Variants in NECAB2 observed in about 807,000 individuals in gnomAD.
NECAB2 encodes the protein N-terminal EF-hand calcium binding protein 2, also known as N-terminal EF-hand calcium-binding protein 2.
In NECAB2, 68 loss-of-function variants were observed where a neutral mutation model predicts 51.9. The ratio of observed to expected loss-of-function variants is 1.31; its 90% CI spans 1.08 to 1.60. NECAB2 has a LOEUF of 1.60. NECAB2 is among the 40% of genes most tolerant of loss of function. The pLI is 0.00. For missense variants in NECAB2, 854 were observed against 490.3 expected (o/e 1.74, Z -7.00); for synonymous variants, 329 against 203.5 (o/e 1.62, Z -5.25).
At position 83,968,846 on chromosome 16, in the gene NECAB2, G is replaced by A; in HGVS notation, c.198G>A (p.Leu66=). Residue 66 remains leucine (L), a synonymous_variant, in exon 1 of 13, where the codon CTG becomes CTA. Transcript: ENST00000305202. ...ASPRGGTAVI[L]DIFRRADKND... is the part of the protein sequence containing the mutation. ...CGCGCGGGGGCACCGCCGTCATCCT[G>A]GACGTGAGTACGCGCCGGCCGGGAC... The A allele has an allele frequency of 3.6e-6, 4 of 1,121,738 alleles. No individual in the cohort carries two copies. Among genetic ancestry groups the A allele is most frequent in the African/African-American group, 1.7e-5 (1 of 60,210 alleles). 69.5% of individuals were successfully genotyped at this position (1,121,738 alleles called of 1,614,324 possible). A position where few individuals can be genotyped will look rare whatever the true frequency, so the allele number is the denominator to read the frequency against.
chr16:83,969,059 AC>A (rs899734982), intron 1 of NECAB2, among the ~76,000 whole-genome samples: 1 of 130,930 alleles, frequency 7.6e-6, no homozygotes, highest in Non-Finnish European at 1.6e-5. Context: ...GGACCGGGAG[AC>A]CCCCCTCCTC....
chr16:83,976,166 T>C (rs896071965), intron 2 of NECAB2, among the ~76,000 whole-genome samples: 1 of 152,084 alleles, frequency 6.6e-6, no homozygotes, highest in South Asian at 2.1e-4. Context: ...GTCATGCCCA[T>C]GGTGACTGCC....
chr16:83,998,529 C>G (rs1429332774), intron 10 of NECAB2, among the ~76,000 whole-genome samples: 1 of 152,160 alleles, frequency 6.6e-6, no homozygotes, highest in Non-Finnish European at 1.5e-5. Flanking sequence ...CTGGCATCAG[C>G]TTACTCATCT....
chr16:83,973,401 A>C (rs974524403), intron 2 of NECAB2, among the ~76,000 whole-genome samples: 1 of 152,154 alleles, frequency 6.6e-6, no homozygotes, highest in Non-Finnish European at 1.5e-5. Context: ...AATCAGTTCC[A>C]ACGAGTCTCC....
intron 12 of NECAB2, 86 bp from the exon 13 acceptor site, chr16:84,002,232 C>A (rs373591626): frequency 4.0e-6 from 6 of 1,513,956 alleles, no homozygotes; most frequent in African/African-American, 1.4e-5. Flanking sequence ...AGCCATCCCC[C>A]GACCTGTCAT....
At position 83,993,610 on chromosome 16, in the gene NECAB2, G is replaced by A. The variant is rs993250496; in HGVS notation, c.597-692G>A. 6 of 154,634 alleles carry A rather than the reference G, an allele frequency of 3.9e-5. No individual in the cohort carries two copies. In the South Asian group the frequency reaches 8.2e-4, roughly 21 times the overall value. 9.6% of individuals were successfully genotyped at this position (154,634 alleles called of 1,614,324 possible). On this transcript the variant is annotated intron_variant, in intron 6 of 12. Transcript: ENST00000305202. ...GTCCCTACTATGTGCTGGACACAGT[G>A]CAAGGTGAGCTGTGTGTGTGTGTGT...
intron 3 of NECAB2, among the ~76,000 whole-genome samples, chr16:83,979,096 C>T (rs564866977): frequency 6.6e-6 from 1 of 152,338 alleles, no homozygotes; most frequent in African/African-American, 2.4e-5. Flanking sequence ...CCACCCATCT[C>T]TAAATCAAGT....
chr16:83,981,084 C>A lies in NECAB2; in HGVS notation c.416C>A (p.Thr139Asn). The change falls in exon 5 of 13, where the codon ACC (threonine) becomes AAC (asparagine). Residue 139 changes from threonine (T) to asparagine (N), a missense_variant. By Grantham distance (65) the Thr-to-Asn change is moderately conservative (BLOSUM62 0). Transcript: ENST00000305202. Reference sequence around the variant, plus strand: ...GAGGATGTCCTGGCCTCCCTGGAGACCTTGAATCACTCTGTCCTGAAGGCC... The same window carrying A: ...GAGGATGTCCTGGCCTCCCTGGAGAACTTGAATCACTCTGTCCTGAAGGCC... ...DYEDVLASLE[T>N]LNHSVLKAMG... 6.2e-7 allele frequency: 1 copy of A among 1,614,208 alleles called. No individual in the cohort carries two copies. Among genetic ancestry groups the A allele is most frequent in the Non-Finnish European group, 8.5e-7 (1 of 1,180,044 alleles).
At chr16:83,990,942 T>A (rs1464470958) in intron 6 of NECAB2, among the ~76,000 whole-genome samples, 1 of 152,176 alleles carries the variant, frequency 6.6e-6, no homozygotes, top group Non-Finnish European at 1.5e-5. Flanking sequence ...TGCTAATTGT[T>A]TATGCAGAAC....
intron 6 of NECAB2, among the ~76,000 whole-genome samples, chr16:83,992,011 C>G (rs575730904): frequency 1.6e-4 from 25 of 152,282 alleles, no homozygotes; most frequent in African/African-American, 6.0e-4. Context: ...TAACTGCACT[C>G]TCGGCATCAC....
intron 5 of NECAB2, among the ~76,000 whole-genome samples, chr16:83,988,060 A>T (rs1009150674): frequency 4.6e-5 from 7 of 152,228 alleles, no homozygotes; most frequent in Admixed American, 1.3e-4. Context: ...GTTCAATCAC[A>T]GTTGGTTACT....
chr16:83,997,592 A>C (rs1007814254), intron 9 of NECAB2, among the ~76,000 whole-genome samples: 1 of 143,782 alleles, frequency 7.0e-6, no homozygotes, highest in African/African-American at 2.6e-5. Context: ...GGTTCAAGCA[A>C]TTCTCCTGCC....
rs2084311679 is a variant in NECAB2 at position 83,968,394 on chromosome 16, C to T, written c.-255C>T. Among the ~76,000 whole-genome samples, 1 of 149,810 alleles carries T rather than the reference C, an allele frequency of 6.7e-6. No homozygotes were observed. The highest frequency in any genetic ancestry group is 2.4e-5 in the African/African-American group (1 of 41,040). On this transcript the variant is annotated 5_prime_UTR_variant, in exon 1 of 13. Transcript: ENST00000305202. ...CCCCCTCTGTGGCTGCGCCCGCGCC[C>T]CTCGCCCCGGCGGGCAGTCCTCAGG...
intron 10 of NECAB2, among the ~76,000 whole-genome samples, chr16:83,999,505 C>T (rs1184972522): frequency 1.3e-5 from 2 of 152,156 alleles, no homozygotes; most frequent in African/African-American, 4.8e-5. Flanking sequence ...CCTAAAGCTG[C>T]ACGGAGGTGT....
chr16:83,990,379 C>A (rs1010269756), intron 5 of NECAB2, 115 bp from the exon 6 acceptor site: 6 of 1,381,584 alleles, frequency 4.3e-6, no homozygotes, highest in East Asian at 4.6e-5. Flanking sequence ...GTCCTCCCTT[C>A]CCTTTGCAAA....
At chr16:83,991,354 TTTTC>T (rs2084622665) in intron 6 of NECAB2, among the ~76,000 whole-genome samples, 1 of 141,032 alleles carries the variant, frequency 7.1e-6, no homozygotes. Context: ...TTCTATTTCC[TTTTC>T]TTTTCTTTTC....
chr16:83,994,721 T>C (rs1461319614), intron 8 of NECAB2, 33 bp downstream of exon 8: 19 of 1,607,352 alleles, frequency 1.2e-5, no homozygotes, highest in Non-Finnish European at 1.5e-5. Flanking sequence ...CGTCTACTCC[T>C]TCCAACCCCT....
chr16:83,978,476 C>G lies in NECAB2; in HGVS notation c.259C>G (p.Leu87Val), dbSNP rs1408615859. ...DGKLSLEEFQ[L>V]FFADGVLNEK... Reference sequence around the variant, plus strand: ...GAAGCTGTCCTTGGAGGAATTCCAGCTCTTCTTTGCAGATGGCGTCCTTAA... The same window carrying G: ...GAAGCTGTCCTTGGAGGAATTCCAGGTCTTCTTTGCAGATGGCGTCCTTAA... Residue 87 changes from leucine (L) to valine (V), a missense_variant, in exon 3 of 13, where the codon CTC (leucine) becomes GTC (valine). Physicochemically the swap from Leu to Val is conservative, Grantham distance 32. Transcript: ENST00000305202. 2 of 1,614,022 alleles carry G rather than the reference C, an allele frequency of 1.2e-6. No individual in the cohort carries two copies. The highest frequency in any genetic ancestry group is 8.5e-7 in the Non-Finnish European group (1 of 1,179,986).
rs200098507 is a variant in NECAB2 at position 83,997,170 on chromosome 16, G to C, written c.796-46G>C. The C allele has an allele frequency of 3.1e-5, 50 of 1,613,018 alleles. No homozygotes were observed. In the South Asian group the frequency reaches 3.6e-4, roughly 12 times the overall value. ...CCAGAGCTCCTGGCTCCCCGGGGCG[G>C]AGTGGGGCTCTGGGTCTAGCATCAC... is the stretch of plus-strand genomic sequence containing the variant. On this transcript the variant is annotated intron_variant, in intron 8 of 12. Transcript: ENST00000305202.
Sources: allele counts gnomAD v4.1 joint callset (sites outside exome capture counted in the v4.1 genomes callset), GRCh38; gene constraint gnomAD v4.1.1; transcripts MANE v1.5; gene names NCBI Gene and HGNC (gene_info 2026-07-23, HGNC 2026-07-21).